Variants in WWP1 observed in about 807,000 individuals in gnomAD.
WWP1 encodes the protein WW domain containing E3 ubiquitin protein ligase 1.
Under a neutral mutation model 130.6 loss-of-function variants are expected in WWP1, and 49 were observed. The ratio of observed to expected loss-of-function variants is 0.38; its 90% confidence interval spans 0.30 to 0.48. The LOEUF is 0.48. Among genes scored for constraint, WWP1 ranks in the 20% least tolerant of loss-of-function variants. WWP1 has a pLI of 0.99. For synonymous variants in WWP1, 332 were observed against 367.8 expected (o/e 0.90, Z 1.11); for missense variants, 809 against 1,100.6 (o/e 0.74, Z 3.75).
intron 3 of WWP1, among the ~76,000 whole-genome samples, chr8:86,380,015 C>T (rs1226069358): frequency 6.6e-6 from 1 of 151,932 alleles, no homozygotes; most frequent in African/African-American, 2.4e-5. Context: ...AAGTATATGC[C>T]CAAGAGAAAT....
chr8:86,452,423 C>T, intron 20 of WWP1, 136 bp from the exon 21 acceptor site: 1 of 706,704 alleles, frequency 1.4e-6, no homozygotes, highest in Non-Finnish European at 2.2e-6. Context: ...CATACATATA[C>T]ACACACATCA....
chr8:86,359,815 G>A (rs898057159), intron 1 of WWP1, among the ~76,000 whole-genome samples: 42 of 151,934 alleles, frequency 2.8e-4, no homozygotes, highest in Non-Finnish European at 4.4e-4. Flanking sequence ...TTTGGGAGGC[G>A]GAGGCGGGCG....
rs145371963 is a variant in WWP1, at chr8:86,445,735, C to T, written c.1999-2413C>T. Reference sequence around the variant, plus strand: ...CTTAGTTCATTGAGAAATTTCCAACCTGCTTTTCAAAGTGGCTGAACTAAT... The same window carrying T: ...CTTAGTTCATTGAGAAATTTCCAACTTGCTTTTCAAAGTGGCTGAACTAAT... On this transcript the variant is annotated intron_variant, in intron 18 of 24. Coordinates refer to ENST00000517970, the MANE Select transcript of WWP1 (RefSeq NM_007013.4). Among the ~76,000 whole-genome samples the T allele has an allele frequency of 7.2e-5, 11 of 152,236 alleles. No individual in the cohort carries two copies. The South Asian group carries it at 1.9e-3, about 26-fold the overall frequency.
At chr8:86,425,660 GATTTAATGACTTAAAT>G (rs1809581569) in intron 10 of WWP1, among the ~76,000 whole-genome samples, 2 of 152,118 alleles carry the variant, frequency 1.3e-5, no homozygotes, top group Admixed American at 1.3e-4. Flanking sequence ...TATTTCATAA[GATTTAATGACTTAAAT>G]ATTAAATGAC....
intron 21 of WWP1, among the ~76,000 whole-genome samples, chr8:86,456,524 A>T (rs1226226142): frequency 1.3e-5 from 2 of 151,956 alleles, no homozygotes; most frequent in Non-Finnish European, 2.9e-5. Flanking sequence ...TCAAAGCACC[A>T]CTTTGAGATA....
chr8:86,363,904 A>G (rs1823814568), intron 1 of WWP1, among the ~76,000 whole-genome samples: 1 of 152,046 alleles, frequency 6.6e-6, no homozygotes, highest in African/African-American at 2.4e-5. Flanking sequence ...TAAAATGACA[A>G]AAGTAGTGTA....
At chr8:86,412,694 C>T (rs753435651) in intron 9 of WWP1, among the ~76,000 whole-genome samples, 6 of 83,216 alleles carry the variant, frequency 7.2e-5, no homozygotes, top group Non-Finnish European at 1.3e-4. Flanking sequence ...TGTTAGTGTA[C>T]GTTGGTTTTT....
chr8:86,425,735 A>G (rs2130649025), intron 10 of WWP1, among the ~76,000 whole-genome samples: 1 of 152,360 alleles, frequency 6.6e-6, no homozygotes, highest in South Asian at 2.1e-4. Context: ...ACTATGATCT[A>G]CAAAGATTGC....
intron 24 of WWP1, among the ~76,000 whole-genome samples, chr8:86,465,494 C>T (rs13279589): frequency 0.27 from 40,425 of 151,894 alleles, 6,234 homozygotes; most frequent in East Asian, 0.53. Flanking sequence ...GCCATGGTGG[C>T]ATGCGCCTGT....
chr8:86,430,104 G>A (rs1429705363), intron 11 of WWP1, among the ~76,000 whole-genome samples: 1 of 152,054 alleles, frequency 6.6e-6, no homozygotes, highest in East Asian at 1.9e-4. Flanking sequence ...TTGTTGCTGA[G>A]GTGGGAGGAT....
chr8:86,439,275 G>A (rs113592134), intron 17 of WWP1, among the ~76,000 whole-genome samples: 8,258 of 149,996 alleles, frequency 0.055, 318 homozygotes, highest in Non-Finnish European at 0.087. Flanking sequence ...CCCAGGAGGC[G>A]GAGCTTGCAG....
At chr8:86,425,022 A>C (rs541106992) in intron 9 of WWP1, among the ~76,000 whole-genome samples, 217 of 151,948 alleles carry the variant, frequency 1.4e-3, no homozygotes, top group African/African-American at 4.8e-3. Context: ...GGGAATAATT[A>C]AGAGGTTAAA....
rs191467115 is a variant in WWP1 at position 86,416,401 on chromosome 8, A to T, written c.1061+4527A>T. Among the ~76,000 whole-genome samples, 451 of 152,212 alleles carry T rather than the reference A, an allele frequency of 3.0e-3. 2 individuals are homozygous for T. Among genetic ancestry groups the T allele is most frequent in the African/African-American group, 0.01 (429 of 41,520 alleles). ...TGATGCAGTAGGTCAGTGGAGGGAG[A>T]GATTGGCCAATACTAGACAGAAAGA... On this transcript the variant is annotated intron_variant, in intron 9 of 24. Coordinates refer to ENST00000517970, the MANE Select transcript of WWP1 (RefSeq NM_007013.4).
At chr8:86,421,960 ATCCT>A (rs1286735479) in intron 9 of WWP1, among the ~76,000 whole-genome samples, 1 of 151,704 alleles carries the variant, frequency 6.6e-6, no homozygotes, top group Non-Finnish European at 1.5e-5. Flanking sequence ...TTTATGGGAG[ATCCT>A]TGAGCCTCCC....
chr8:86,379,154 A>ATCTTGGGAAGTT (rs1824840521), intron 3 of WWP1, among the ~76,000 whole-genome samples: 1 of 152,214 alleles, frequency 6.6e-6, no homozygotes, highest in East Asian at 1.9e-4. Flanking sequence ...TATTCAAAGA[A>ATCTTGGGAAGTT]TCTTGGGAAG....
intron 5 of WWP1, among the ~76,000 whole-genome samples, chr8:86,390,216 CGGCCGGGCA>C (rs1465661755): frequency 6.6e-6 from 1 of 150,770 alleles, no homozygotes; most frequent in Non-Finnish European, 1.5e-5. Context: ...CCAGACTGGG[CGGCCGGGCA>C]GAGGGGCTCC....
At chr8:86,429,330 T>C (rs1435800408) in intron 11 of WWP1, among the ~76,000 whole-genome samples, 1 of 152,200 alleles carries the variant, frequency 6.6e-6, no homozygotes, top group East Asian at 1.9e-4. Flanking sequence ...GAATGATCTT[T>C]ATGGCCACGT....
chr8:86,400,238 A>G (rs535791337), intron 7 of WWP1, among the ~76,000 whole-genome samples: 198 of 152,250 alleles, frequency 1.3e-3, no homozygotes, highest in African/African-American at 4.6e-3. Context: ...AGTCTGAAGC[A>G]GGAGAATTGC....
intron 24 of WWP1, among the ~76,000 whole-genome samples, chr8:86,463,434 G>A (rs1811872971): frequency 6.6e-6 from 1 of 151,974 alleles, no homozygotes; most frequent in Admixed American, 6.5e-5. Context: ...AGCCTCTCGG[G>A]TAGCTGGGAT....
Sources: gnomAD v4.1 joint callset for allele counts (sites outside exome capture counted in the v4.1 genomes callset) on GRCh38, gnomAD v4.1.1 for gene constraint, MANE v1.5 for transcripts, NCBI Gene and HGNC (gene_info 2026-07-23, HGNC 2026-07-21) for gene names.